PIK3C2G: variants seen among roughly 807,000 people sequenced by gnomAD.
The protein encoded by PIK3C2G is phosphatidylinositol 3-kinase C2 domain-containing subunit gamma.
A neutral mutation model predicts 181.1 loss-of-function variants in PIK3C2G; 168 were observed. That is an observed-to-expected ratio of 0.93 (90% confidence interval 0.82 to 1.05). The LOEUF (loss-of-function observed/expected upper bound fraction) is 1.05. Ranked by LOEUF, PIK3C2G falls within the 50% of genes least tolerant of loss-of-function variation. The pLI, the probability that PIK3C2G is intolerant of heterozygous loss-of-function variation, is 0.00. For synonymous variants in PIK3C2G, 573 were observed against 592.2 expected (o/e 0.97, Z 0.47); for missense variants, 1,869 against 1,732.8 (o/e 1.08, Z -1.40).
chr12:18,642,989 A>G (rs1438105049), intron 32 of PIK3C2G, among the ~76,000 whole-genome samples: 1 of 152,108 alleles, frequency 6.6e-6, no homozygotes, highest in African/African-American at 2.4e-5. Flanking sequence ...CTTTTTGAGT[A>G]CAAGTCTCCA....
chr12:18,663,654 AC>A, the PIK3C2G span, among the ~76,000 whole-genome samples: 9 of 152,090 alleles, frequency 5.9e-5, no homozygotes, highest in African/African-American at 1.9e-4. Context: ...AGAAAAAAAA[AC>A]ATAGGACAAA....
At chr12:18,248,544 C>G (rs930108162) in intron 1 of PIK3C2G, among the ~76,000 whole-genome samples, 4 of 152,152 alleles carry the variant, frequency 2.6e-5, no homozygotes, top group African/African-American at 9.7e-5. Context: ...GCACTCCAGC[C>G]TGGGTGACAG....
chr12:18,707,099 A>T, the PIK3C2G span, among the ~76,000 whole-genome samples: 1 of 152,170 alleles, frequency 6.6e-6, no homozygotes, highest in African/African-American at 2.4e-5. Flanking sequence ...AAAAGTCCTT[A>T]TGATGGTGTT....
intron 8 of PIK3C2G, among the ~76,000 whole-genome samples, chr12:18,328,424 C>G (rs527993280): frequency 2.6e-5 from 4 of 151,944 alleles, no homozygotes; most frequent in African/African-American, 9.7e-5. Flanking sequence ...AAAGAGGACA[C>G]ATAGGGATTT....
chr12:18,302,108 A>C (rs541021945), intron 5 of PIK3C2G, among the ~76,000 whole-genome samples: 87 of 152,288 alleles, frequency 5.7e-4, no homozygotes, highest in African/African-American at 1.9e-3. Context: ...TGGTGGACCA[A>C]CCATGGCTGT....
rs759854447 is a variant in PIK3C2G at position 18,563,368 on chromosome 12, T to C, written c.3781-9T>C. The C allele has an allele frequency of 5.0e-6, 8 of 1,604,344 alleles. No homozygotes were observed. The highest frequency in any genetic ancestry group is 3.4e-5 in the Admixed American group (2 of 58,434). ...CATCTTTTGATTTCTATCTATTTAC[T>C]TTCTGCAGCTGTATCTGATCCAGGT... is the stretch of plus-strand genomic sequence containing the variant. On this transcript the variant is annotated splice_polypyrimidine_tract_variant and intron_variant, in intron 27 of 32. Coordinates refer to ENST00000538779, the MANE Select transcript of PIK3C2G (RefSeq NM_001288772.2).
chr12:18,287,008 T>A, intron 3 of PIK3C2G, 79 bp downstream of exon 3: 1 of 554,286 alleles, frequency 1.8e-6, no homozygotes, highest in Non-Finnish European at 3.0e-6. Flanking sequence ...CTGAACTGAT[T>A]AATTTTGCAT....
chr12:18,502,507 G>A (rs1941560827), intron 22 of PIK3C2G, among the ~76,000 whole-genome samples: 1 of 152,072 alleles, frequency 6.6e-6, no homozygotes, highest in African/African-American at 2.4e-5. Flanking sequence ...GTACTTTGCG[G>A]GTTGTTTTGT....
At chr12:18,368,902 T>G (rs1255180136) in intron 12 of PIK3C2G, among the ~76,000 whole-genome samples, 1 of 152,184 alleles carries the variant, frequency 6.6e-6, no homozygotes, top group Non-Finnish European at 1.5e-5. Flanking sequence ...ATGTTTGATT[T>G]GAAACCCTGG....
chr12:18,289,877 A>G (rs1315519977), intron 3 of PIK3C2G, among the ~76,000 whole-genome samples: 1 of 32,932 alleles, frequency 3.0e-5, no homozygotes, highest in East Asian at 8.9e-4. Context: ...AGATGTCAGC[A>G]TAGTTAACAT....
chr12:18,287,041 T>A (rs1010422424), intron 3 of PIK3C2G, 112 bp downstream of exon 3: 3 of 448,898 alleles, frequency 6.7e-6, no homozygotes, highest in Non-Finnish European at 1.2e-5. Context: ...GTCATGTAAT[T>A]TCTGAACACA....
At chr12:18,259,183 T>C (rs968771213), upstream of PIK3C2G, among the ~76,000 whole-genome samples, 9 of 152,230 alleles carry the variant, frequency 5.9e-5, no homozygotes, top group African/African-American at 2.2e-4. Flanking sequence ...CACCACATTA[T>C]AACCTGTACT....
At chr12:18,384,213 A>C (rs1186321950) in intron 14 of PIK3C2G, among the ~76,000 whole-genome samples, 1 of 152,108 alleles carries the variant, frequency 6.6e-6, no homozygotes, top group Non-Finnish European at 1.5e-5. Flanking sequence ...AGATTTTAGA[A>C]ACTTTTTTTA....
chr12:18,346,860 A>G, intron 11 of PIK3C2G, 24 bp downstream of exon 11: 3 of 1,499,638 alleles, frequency 2.0e-6, no homozygotes, highest in Non-Finnish European at 2.7e-6. Flanking sequence ...AGTTTTTCAC[A>G]AAAGCATTCA....
chr12:18,380,562 A>T (rs929184377), intron 13 of PIK3C2G, among the ~76,000 whole-genome samples: 12 of 152,172 alleles, frequency 7.9e-5, no homozygotes, highest in Non-Finnish European at 1.8e-4. Context: ...ACTAATTCAT[A>T]CCTTACTAAT....
At chr12:18,367,536 A>T (rs1405891803) in intron 12 of PIK3C2G, among the ~76,000 whole-genome samples, 2 of 151,914 alleles carry the variant, frequency 1.3e-5, no homozygotes, top group Non-Finnish European at 2.9e-5. Flanking sequence ...AGACTGGGTA[A>T]TTTTTTATTT....
intron 26 of PIK3C2G, among the ~76,000 whole-genome samples, chr12:18,559,805 TATATATATATATATATAGAGAGAGAGAG>T (rs1345445379): frequency 0.013 from 605 of 45,694 alleles, 1 homozygote; most frequent in Non-Finnish European, 0.018. Context: ...TATATATATA[TATATATATATATATATAGAGAGAGAGAG>T]AGAGAGAGAG....
intron 12 of PIK3C2G, among the ~76,000 whole-genome samples, chr12:18,368,309 G>A (rs567388318): frequency 2.1e-4 from 32 of 152,262 alleles, no homozygotes; most frequent in Admixed American, 1.8e-3. Flanking sequence ...CCTACAATTT[G>A]CCATATATTG....
chr12:18,606,033 A>G (rs1947999034), intron 30 of PIK3C2G, among the ~76,000 whole-genome samples: 1 of 152,184 alleles, frequency 6.6e-6, no homozygotes, highest in South Asian at 2.1e-4. Flanking sequence ...AGTCAAAGCT[A>G]CAGAAATAAT....
Sources: gnomAD v4.1 joint callset for allele counts (sites outside exome capture counted in the v4.1 genomes callset) on GRCh38, gnomAD v4.1.1 for gene constraint, MANE v1.5 for transcripts, NCBI Gene and HGNC (gene_info 2026-07-23, HGNC 2026-07-21) for gene names.